MGAT4D: variants seen among roughly 807,000 people sequenced by gnomAD.
MGAT4D encodes MGAT4 family member D.
Under a neutral mutation model 15.9 loss-of-function variants are expected in MGAT4D, and 34 were observed. The observed-to-expected ratio is 2.14, with a 90% CI of 1.62 to 2.84. MGAT4D has a LOEUF of 2.84. MGAT4D is among the 30% of genes most tolerant of loss of function. The pLI is 0.00. For synonymous variants in MGAT4D, 112 were observed against 48.2 expected (o/e 2.33, Z -5.49); for missense variants, 327 against 140.2 (o/e 2.33, Z -6.73).
At chr4:140,484,567 A>G (rs1329687917) in intron 1 of MGAT4D, among the ~76,000 whole-genome samples, 1 of 152,230 alleles carries the variant, frequency 6.6e-6, no homozygotes, top group African/African-American at 2.4e-5. Context: ...TAATTAAACT[A>G]AAGAGCTTCT....
chr4:140,451,666 TTTC>T (rs1730481441), intron 9 of MGAT4D, 149 bp from the exon 10 acceptor site: 1 of 379,310 alleles, frequency 2.6e-6, no homozygotes, highest in Non-Finnish European at 4.7e-6. Flanking sequence ...TTCTTAGCTT[TTTC>T]TTCATAAGAA....
At chr4:140,459,853 G>T (rs2126719269) in intron 7 of MGAT4D, among the ~76,000 whole-genome samples, 1 of 138,954 alleles carries the variant, frequency 7.2e-6, no homozygotes, top group South Asian at 2.2e-4. Context: ...TACCCAGGCT[G>T]GAGTGCAGTT....
intron 3 of MGAT4D, among the ~76,000 whole-genome samples, chr4:140,478,274 C>A (rs12512891): frequency 1.3e-5 from 2 of 152,130 alleles, no homozygotes; most frequent in African/African-American, 4.8e-5. Context: ...ACCCAAACAC[C>A]ACCATGTCTC....
At chr4:140,495,152 A>G (rs1043860645) in intron 1 of MGAT4D, among the ~76,000 whole-genome samples, 3 of 152,194 alleles carry the variant, frequency 2.0e-5, no homozygotes, top group Admixed American at 6.5e-5. Context: ...GAACAAATCA[A>G]GGAGATTCCA....
At chr4:140,447,779 G>C (rs745307030) in intron 10 of MGAT4D, among the ~76,000 whole-genome samples, 1 of 152,102 alleles carries the variant, frequency 6.6e-6, no homozygotes, top group Non-Finnish European at 1.5e-5. Flanking sequence ...AAACCTGTTT[G>C]TGTGGTTGCT....
intron 6 of MGAT4D, among the ~76,000 whole-genome samples, chr4:140,464,241 G>C (rs1358197501): frequency 1.3e-5 from 2 of 152,142 alleles, no homozygotes; most frequent in Non-Finnish European, 2.9e-5. Flanking sequence ...TTTCTGGCAT[G>C]TCTTTTTCTT....
At chr4:140,483,875 G>A (rs761054276) in intron 1 of MGAT4D, among the ~76,000 whole-genome samples, 4 of 152,104 alleles carry the variant, frequency 2.6e-5, no homozygotes, top group Admixed American at 2.0e-4. Context: ...ATGGATGAAA[G>A]ACTTAAGTGT....
At chr4:140,477,333 T>G (rs1311942530) in intron 3 of MGAT4D, among the ~76,000 whole-genome samples, 1 of 152,192 alleles carries the variant, frequency 6.6e-6, no homozygotes, top group African/African-American at 2.4e-5. Flanking sequence ...TATAATTACC[T>G]TATCATTTGT....
chr4:140,480,726 TAA>T (rs1461515374), intron 2 of MGAT4D, among the ~76,000 whole-genome samples: 1 of 124,718 alleles, frequency 8.0e-6, no homozygotes, highest in Non-Finnish European at 1.7e-5. Context: ...CCCTCATCTC[TAA>T]ACACACACAC....
At chr4:140,493,929 C>CAGAGGCA (rs1733668849) in intron 1 of MGAT4D, among the ~76,000 whole-genome samples, 1 of 152,124 alleles carries the variant, frequency 6.6e-6, no homozygotes, top group Non-Finnish European at 1.5e-5. Flanking sequence ...AGGCAGTGGC[C>CAGAGGCA]AGAGGCAAGA....
intron 8 of MGAT4D, 190 bp downstream of exon 8, chr4:140,459,322 T>C: frequency 3.6e-6 from 1 of 281,320 alleles, no homozygotes; most frequent in Non-Finnish European, 6.6e-6. Context: ...AGAAAAAAGT[T>C]TGGTTAAGAA....
intron 1 of MGAT4D, among the ~76,000 whole-genome samples, chr4:140,492,833 C>A (rs1170798690): frequency 6.6e-6 from 1 of 151,948 alleles, no homozygotes; most frequent in Non-Finnish European, 1.5e-5. Context: ...ACTGAATAAC[C>A]GAAAGTGACC....
chr4:140,480,871 G>A (rs1732671086), intron 2 of MGAT4D, among the ~76,000 whole-genome samples: 2 of 152,118 alleles, frequency 1.3e-5, no homozygotes, highest in African/African-American at 2.4e-5. Flanking sequence ...AGGAGGTGGA[G>A]GCTGCAGTGA....
intron 6 of MGAT4D, among the ~76,000 whole-genome samples, 194 bp from the exon 7 acceptor site, chr4:140,462,198 A>T (rs553505121): frequency 6.6e-6 from 1 of 152,312 alleles, no homozygotes; most frequent in East Asian, 1.9e-4. Context: ...TCTTTATTCA[A>T]TGAACAGTGT....
chr4:140,462,159 T>C (rs560077062), intron 6 of MGAT4D, among the ~76,000 whole-genome samples, 155 bp from the exon 7 acceptor site: 63 of 152,200 alleles, frequency 4.1e-4, no homozygotes, highest in Non-Finnish European at 7.9e-4. Context: ...TTAAGTAAAA[T>C]TGAATATCTT....
chr4:140,479,610 T>G lies in MGAT4D; in HGVS notation c.271A>C (p.Ile91Leu). 2.0e-6 allele frequency: 1 copy of G among 493,664 alleles called. No homozygotes were observed. The highest frequency in any genetic ancestry group is 3.6e-6 in the Non-Finnish European group (1 of 280,226). The allele number at this position is 493,664 out of a possible 1,614,324, so 30.6% of individuals were successfully genotyped here. A position where few individuals can be genotyped will look rare whatever the true frequency, so the allele number is the denominator to read the frequency against. Residue 91 changes from isoleucine (I) to leucine (L), a missense_variant, in exon 3 of 11, where the codon ATA (isoleucine) becomes CTA (leucine). Physicochemically the swap from Ile to Leu is conservative, Grantham distance 5. Transcript: ENST00000511113. ...GATACTGTTTCATTTTTATTTAATATGTCTGCTTTCTGTGCAACTGAAAGA... is the reference window on the plus strand; with the variant it reads ...GATACTGTTTCATTTTTATTTAATAGGTCTGCTTTCTGTGCAACTGAAAGA... ...SGNLVAQKAD[I>L]LNKNETVSNT... is the part of the protein sequence containing the mutation.
chr4:140,451,361 A>G (rs1376994083), intron 10 of MGAT4D, 49 bp downstream of exon 10: 4 of 509,622 alleles, frequency 7.8e-6, no homozygotes, highest in African/African-American at 7.8e-5. Context: ...AGTATTTTAT[A>G]AGTTTATAAA....
chr4:140,473,236 C>T (rs1578684044), intron 4 of MGAT4D, among the ~76,000 whole-genome samples: 1 of 151,744 alleles, frequency 6.6e-6, no homozygotes, highest in East Asian at 1.9e-4. Flanking sequence ...TTTCACTTAA[C>T]AATAGGACAT....
chr4:140,477,096 C>T (rs1024276088), intron 3 of MGAT4D, among the ~76,000 whole-genome samples: 42 of 152,204 alleles, frequency 2.8e-4, no homozygotes, highest in Non-Finnish European at 5.1e-4. Context: ...GCAAGACACA[C>T]ATCCTTTCTA....
Sources: allele counts gnomAD v4.1 joint callset (sites outside exome capture counted in the v4.1 genomes callset), GRCh38; gene constraint gnomAD v4.1.1; transcripts MANE v1.5; gene names NCBI Gene and HGNC (gene_info 2026-07-23, HGNC 2026-07-21).